CCSER1: variants seen among roughly 807,000 people sequenced by gnomAD.
CCSER1 encodes the protein serine-rich coiled-coil domain-containing protein 1.
CCSER1 carries 41 observed loss-of-function variants against 82.0 expected under a neutral mutation model. The observed-to-expected ratio is 0.50, with a 90% confidence interval of 0.39 to 0.65. The LOEUF (loss-of-function observed/expected upper bound fraction) is 0.65, where lower values mean the gene tolerates loss of function less well. Ranked by LOEUF, CCSER1 falls within the 30% of genes least tolerant of loss-of-function variation. The probability of loss-of-function intolerance (pLI) is 0.00; values close to 1 mark genes in which losing one functional copy is unlikely to be tolerated. For synonymous variants in CCSER1, 414 were observed against 383.9 expected (o/e 1.08, Z -0.92); for missense variants, 1,119 against 1,064.2 (o/e 1.05, Z -0.72).
At chr4:90,379,922 C>T (rs916962925) in intron 3 of CCSER1, among the ~76,000 whole-genome samples, 4 of 152,016 alleles carry the variant, frequency 2.6e-5, no homozygotes, top group Non-Finnish European at 1.5e-5. Flanking sequence ...TCTCACATGG[C>T]AGGAGCAGGG....
intron 8 of CCSER1, among the ~76,000 whole-genome samples, chr4:90,913,246 G>T (rs1726717344): frequency 6.6e-6 from 1 of 152,148 alleles, no homozygotes. Flanking sequence ...AGAGAGAAAG[G>T]TCAGGTTACC....
intron 6 of CCSER1, among the ~76,000 whole-genome samples, chr4:90,715,281 C>T (rs1741428251): frequency 6.6e-6 from 1 of 151,954 alleles, no homozygotes; most frequent in South Asian, 2.1e-4. Flanking sequence ...CTACTCGTCC[C>T]TATGTGAATT....
chr4:90,771,565 T>TAAAAAAAAAA (rs34848155), intron 7 of CCSER1, among the ~76,000 whole-genome samples: 1 of 98,342 alleles, frequency 1.0e-5, no homozygotes, highest in African/African-American at 3.2e-5. Flanking sequence ...TGCCGGGCAC[T>TAAAAAAAAAA]AAAAAAAAAA....
chr4:90,297,530 G>T (rs912077830), intron 1 of CCSER1, among the ~76,000 whole-genome samples: 1 of 148,994 alleles, frequency 6.7e-6, no homozygotes, highest in Non-Finnish European at 1.5e-5. Flanking sequence ...CCAACACTAT[G>T]TTGAATAGGA....
chr4:90,485,618 T>C (rs1383178405), intron 5 of CCSER1, among the ~76,000 whole-genome samples: 2 of 149,698 alleles, frequency 1.3e-5, no homozygotes, highest in African/African-American at 4.9e-5. Context: ...GTCATGGGGG[T>C]TTGTGATACA....
At chr4:90,264,605 A>G (rs11945094) in intron 1 of CCSER1, among the ~76,000 whole-genome samples, 7,840 of 152,060 alleles carry the variant, frequency 0.052, 538 homozygotes, top group African/African-American at 0.16. Flanking sequence ...GTTTTTGTAT[A>G]TTTCTAAACT....
chr4:91,169,223 T>C (rs1355510717), intron 10 of CCSER1, among the ~76,000 whole-genome samples: 1 of 118,716 alleles, frequency 8.4e-6, no homozygotes, highest in African/African-American at 2.9e-5. Flanking sequence ...AAAAAAAAGA[T>C]TGGTCACTGA....
intron 10 of CCSER1, among the ~76,000 whole-genome samples, chr4:91,409,206 A>G (rs1266489620): frequency 1.3e-5 from 2 of 152,216 alleles, no homozygotes; most frequent in Non-Finnish European, 2.9e-5. Flanking sequence ...TTCTTAATAA[A>G]CTTTGCATTA....
intron 5 of CCSER1, among the ~76,000 whole-genome samples, chr4:90,613,942 G>C (rs1337523483): frequency 6.6e-6 from 1 of 152,060 alleles, no homozygotes; most frequent in African/African-American, 2.4e-5. Flanking sequence ...TTTAAATACT[G>C]GCATATCTCA....
intron 7 of CCSER1, among the ~76,000 whole-genome samples, chr4:90,788,084 G>A (rs1754757370): frequency 6.6e-6 from 1 of 152,036 alleles, no homozygotes; most frequent in Non-Finnish European, 1.5e-5. Flanking sequence ...TAGAAATCCT[G>A]ATAAGCCCAT....
At chr4:90,414,616 T>G (rs956538114) in intron 4 of CCSER1, among the ~76,000 whole-genome samples, 6 of 152,172 alleles carry the variant, frequency 3.9e-5, no homozygotes, top group African/African-American at 1.4e-4. Context: ...TATTCATGTT[T>G]GTATAGTATT....
chr4:90,144,575 G>A (rs954572459), intron 1 of CCSER1, among the ~76,000 whole-genome samples: 4 of 152,116 alleles, frequency 2.6e-5, no homozygotes, highest in African/African-American at 9.7e-5. Context: ...AGGGAAAAAT[G>A]TGAAAAAGTA....
At chr4:90,643,521 G>A (rs1254923946) in intron 6 of CCSER1, among the ~76,000 whole-genome samples, 1 of 152,170 alleles carries the variant, frequency 6.6e-6, no homozygotes, top group Non-Finnish European at 1.5e-5. Flanking sequence ...TGCCTCAGTA[G>A]GTTGGGGATA....
chr4:91,364,023 G>C (rs1460244342), intron 10 of CCSER1, among the ~76,000 whole-genome samples: 1 of 147,176 alleles, frequency 6.8e-6, no homozygotes, highest in Non-Finnish European at 1.5e-5. Flanking sequence ...TAACTCCATG[G>C]ATTCCAGGAT....
intron 10 of CCSER1, among the ~76,000 whole-genome samples, chr4:91,159,682 T>G (rs1731180345): frequency 6.6e-6 from 1 of 151,934 alleles, no homozygotes; most frequent in Non-Finnish European, 1.5e-5. Context: ...AGATAATTAT[T>G]TTTAAAAATT....
intron 1 of CCSER1, among the ~76,000 whole-genome samples, chr4:90,301,000 T>C (rs375702697): frequency 6.6e-6 from 1 of 152,008 alleles, no homozygotes; most frequent in Non-Finnish European, 1.5e-5. Context: ...TAATTAATTT[T>C]TTTTTCTTTT....
At chr4:90,251,720 T>A (rs1722415312) in intron 1 of CCSER1, among the ~76,000 whole-genome samples, 1 of 151,796 alleles carries the variant, frequency 6.6e-6, no homozygotes, top group Non-Finnish European at 1.5e-5. Flanking sequence ...TCTGAGTCAA[T>A]TTTGGTAGTT....
chr4:91,127,193 T>G (rs555848634), intron 10 of CCSER1, among the ~76,000 whole-genome samples: 1 of 151,994 alleles, frequency 6.6e-6, no homozygotes, highest in East Asian at 1.9e-4. Context: ...CAAATCCCTG[T>G]GATAGTGGTG....
chr4:91,478,949 T>G (rs947937872), intron 10 of CCSER1, among the ~76,000 whole-genome samples: 1 of 151,874 alleles, frequency 6.6e-6, no homozygotes, highest in African/African-American at 2.4e-5. Flanking sequence ...AAACACACTT[T>G]AGTAATATAT....
Sources: allele counts gnomAD v4.1 joint callset (sites outside exome capture counted in the v4.1 genomes callset), GRCh38; gene constraint gnomAD v4.1.1; transcripts MANE v1.5; gene names NCBI Gene and HGNC (gene_info 2026-07-23, HGNC 2026-07-21).